MLLT3: variants seen among roughly 807,000 people sequenced by gnomAD.
MLLT3 encodes MLLT3 super elongation complex subunit.
A neutral mutation model predicts 53.2 loss-of-function variants in MLLT3; 4 were observed. The ratio of observed to expected loss-of-function variants is 0.08; its 90% confidence interval spans 0.04 to 0.17. The LOEUF (loss-of-function observed/expected upper bound fraction) is 0.17, where lower values mean the gene tolerates loss of function less well. Ranked by LOEUF, MLLT3 falls within the 10% of genes least tolerant of loss-of-function variation. The pLI, the probability that MLLT3 is intolerant of heterozygous loss-of-function variation, is 1.00. For synonymous variants in MLLT3, 283 were observed against 230.6 expected (o/e 1.23, Z -2.06); for missense variants, 569 against 684.0 (o/e 0.83, Z 1.87).
chr9:20,513,713 A>G (rs1439762116), intron 2 of MLLT3, among the ~76,000 whole-genome samples: 4 of 152,208 alleles, frequency 2.6e-5, no homozygotes, highest in African/African-American at 9.7e-5. Context: ...GTGGTTGTAC[A>G]CGGCAGGTAT....
intron 5 of MLLT3, among the ~76,000 whole-genome samples, chr9:20,391,165 C>G (rs1822168493): frequency 6.6e-6 from 1 of 152,184 alleles, no homozygotes; most frequent in South Asian, 2.1e-4. Context: ...CCTACCAACT[C>G]CCCTGGGGAA....
intron 2 of MLLT3, among the ~76,000 whole-genome samples, chr9:20,523,682 T>C (rs1336089095): frequency 6.6e-6 from 1 of 152,022 alleles, no homozygotes; most frequent in African/African-American, 2.4e-5. Context: ...AGTAAAAAGA[T>C]CAATGGGCCG....
At chr9:20,617,759 C>G (rs1820872229) in intron 2 of MLLT3, among the ~76,000 whole-genome samples, 1 of 152,120 alleles carries the variant, frequency 6.6e-6, no homozygotes, top group South Asian at 2.1e-4. Flanking sequence ...AATCTCTTTT[C>G]TAAGATTTTG....
chr9:20,558,252 A>T (rs1403297146), intron 2 of MLLT3, among the ~76,000 whole-genome samples: 1 of 152,156 alleles, frequency 6.6e-6, no homozygotes, highest in Non-Finnish European at 1.5e-5. Context: ...ATTTGCCCTA[A>T]TAAACGCAGC....
chr9:20,410,315 T>A (rs1390519808), intron 5 of MLLT3, among the ~76,000 whole-genome samples: 6 of 152,172 alleles, frequency 3.9e-5, no homozygotes, highest in Non-Finnish European at 5.9e-5. Context: ...AGAAGTCAAG[T>A]CATACATAGC....
intron 2 of MLLT3, among the ~76,000 whole-genome samples, chr9:20,557,304 C>CT (rs1819085982): frequency 6.6e-6 from 1 of 151,958 alleles, no homozygotes; most frequent in Non-Finnish European, 1.5e-5. Context: ...TAGCAGGTTA[C>CT]CTGGTTTCAA....
chr9:20,519,513 C>T (rs993443053), intron 2 of MLLT3, among the ~76,000 whole-genome samples: 7 of 151,946 alleles, frequency 4.6e-5, no homozygotes, highest in East Asian at 3.8e-4. Flanking sequence ...TATACAATGA[C>T]GTACATAGTT....
At chr9:20,493,113 A>G (rs1343478627) in intron 2 of MLLT3, among the ~76,000 whole-genome samples, 1 of 151,936 alleles carries the variant, frequency 6.6e-6, no homozygotes. Flanking sequence ...ATTTTGCAGT[A>G]AAGAAAGCTC....
At chr9:20,566,618 A>G (rs971478902) in intron 2 of MLLT3, among the ~76,000 whole-genome samples, 5 of 152,178 alleles carry the variant, frequency 3.3e-5, no homozygotes, top group Admixed American at 6.6e-5. Flanking sequence ...TCACCTGTGC[A>G]TCCAGTACCT....
At chr9:20,539,095 C>G (rs1203273265) in intron 2 of MLLT3, among the ~76,000 whole-genome samples, 1 of 152,146 alleles carries the variant, frequency 6.6e-6, no homozygotes, top group Non-Finnish European at 1.5e-5. Flanking sequence ...TTGCTGAAGG[C>G]TGGAGTAGCT....
At chr9:20,365,567 C>G in intron 6 of MLLT3, 102 bp downstream of exon 6, 1 of 1,314,476 alleles carries the variant, frequency 7.6e-7, no homozygotes, top group Non-Finnish European at 1.1e-6. Flanking sequence ...CTAGGATGGT[C>G]TTGATCTCCT....
chr9:20,583,379 C>A (rs1165512633), intron 2 of MLLT3, among the ~76,000 whole-genome samples: 1 of 152,092 alleles, frequency 6.6e-6, no homozygotes. Context: ...GTCGGTGGAT[C>A]TACCATTCTG....
intron 2 of MLLT3, among the ~76,000 whole-genome samples, chr9:20,582,567 A>C (rs1242459644): frequency 6.6e-6 from 1 of 152,192 alleles, no homozygotes; most frequent in Non-Finnish European, 1.5e-5. Context: ...CCTGCTGATA[A>C]AGACATACCC....
At chr9:20,596,458 G>A (rs916033019) in intron 2 of MLLT3, among the ~76,000 whole-genome samples, 8 of 152,228 alleles carry the variant, frequency 5.3e-5, no homozygotes, top group African/African-American at 1.9e-4. Context: ...GGGAGGCCAA[G>A]GCAGGCGGAT....
chr9:20,470,979 G>A (rs1824375943), intron 2 of MLLT3, among the ~76,000 whole-genome samples: 2 of 151,876 alleles, frequency 1.3e-5, no homozygotes. Context: ...AACAATAAAG[G>A]TATGATTTAT....
rs960503933 is a variant in MLLT3 at position 20,587,765 on chromosome 9, A to T, written c.193+32889T>A. Among the ~76,000 whole-genome samples, 235 of 151,248 alleles carry T rather than the reference A, an allele frequency of 1.6e-3. 1 individual carries two copies. The highest frequency in any genetic ancestry group is 6.8e-3 in the Middle Eastern group (2 of 292). The stretch of plus-strand genomic sequence containing the variant: ...AGCCCTTTGTCAGATGAGTAGGTTG[A>T]GAAAATTTTCTCCCATTTTGTAGGT... On this transcript the variant is annotated intron_variant, in intron 2 of 10. Transcript: ENST00000380338.
chr9:20,365,175 C>T (rs991083056), intron 6 of MLLT3, among the ~76,000 whole-genome samples: 6 of 152,014 alleles, frequency 3.9e-5, no homozygotes, highest in East Asian at 1.9e-4. Context: ...TGGCAGGGAC[C>T]GGAAAAAGGG....
At position 20,344,481 on chromosome 9, in the gene MLLT3, A is replaced by G. The variant is rs1304669818; in HGVS notation, c.*1962T>C. 4.5e-6 allele frequency: 1 copy of G among 220,144 alleles called. No homozygotes were observed. The highest frequency in any genetic ancestry group is 9.1e-6 in the Non-Finnish European group (1 of 109,576). The allele number at this position is 220,144 out of a possible 1,614,324, so 13.6% of individuals were successfully genotyped here. A position where few individuals can be genotyped will look rare whatever the true frequency, so the allele number is the denominator to read the frequency against. ...AAACGCAACTGAAACCACACAATTC[A>G]TCAATCACCTAATGTCCAAAATGAC... On this transcript the variant is annotated 3_prime_UTR_variant, in exon 11 of 11. Coordinates refer to ENST00000380338, the MANE Select transcript of MLLT3 (RefSeq NM_004529.4).
At chr9:20,619,454 A>T (rs1310149293) in intron 2 of MLLT3, among the ~76,000 whole-genome samples, 1 of 152,222 alleles carries the variant, frequency 6.6e-6, no homozygotes, top group Admixed American at 6.5e-5. Flanking sequence ...TCCTTTCTTT[A>T]TTCAGCCCCC....
Sources: allele counts gnomAD v4.1 joint callset (sites outside exome capture counted in the v4.1 genomes callset), GRCh38; gene constraint gnomAD v4.1.1; transcripts MANE v1.5; gene names NCBI Gene and HGNC (gene_info 2026-07-23, HGNC 2026-07-21).